The following IPO7 variants were observed in gnomAD, a reference collection of about 807,000 sequenced individuals.
The protein encoded by IPO7 is importin 7, also known as importin-7.
IPO7 carries 13 observed loss-of-function variants against 136.4 expected under a neutral mutation model. The ratio of observed to expected loss-of-function variants is 0.10; its 90% confidence interval spans 0.06 to 0.15. The LOEUF (loss-of-function observed/expected upper bound fraction) is 0.15. IPO7 is among the 10% of genes least tolerant of loss of function. The probability of loss-of-function intolerance (pLI) is 1.00; values close to 1 mark genes in which losing one functional copy is unlikely to be tolerated. For missense variants in IPO7, 857 were observed against 1,240.6 expected (o/e 0.69, Z 4.65); for synonymous variants, 403 against 404.4 (o/e 1.00, Z 0.04).
At chr11:9,432,435 A>C (rs192283557) in intron 16 of IPO7, among the ~76,000 whole-genome samples, 9 of 152,228 alleles carry the variant, frequency 5.9e-5, no homozygotes, top group African/African-American at 2.2e-4. Context: ...TCCTGACCTC[A>C]AGTGATCCGC....
chr11:9,420,176 G>A (rs1738086530), intron 6 of IPO7: 3 of 438,702 alleles, frequency 6.8e-6, no homozygotes, highest in South Asian at 3.9e-5. Context: ...AATTAGCTGG[G>A]CGTTGTGGCG....
chr11:9,399,928 A>T (rs1344913149), intron 1 of IPO7, among the ~76,000 whole-genome samples: 1 of 152,096 alleles, frequency 6.6e-6, no homozygotes, highest in Non-Finnish European at 1.5e-5. Context: ...TGATTCTTCA[A>T]TACTGTTACT....
intron 6 of IPO7, among the ~76,000 whole-genome samples, chr11:9,418,509 C>G (rs1429080695): frequency 6.6e-6 from 1 of 151,950 alleles, no homozygotes; most frequent in Admixed American, 6.6e-5. Context: ...ATAAGTGAGA[C>G]CAAAGTCCTA....
At position 9,447,823 on chromosome 11, in the gene IPO7, T is replaced by C. The variant is rs766957196; in HGVS notation, c.*2629T>C. 3.3e-5 allele frequency: 5 copies of C among 152,160 alleles called. No individual in the cohort carries two copies. Among genetic ancestry groups the C allele is most frequent in the African/African-American group, 4.8e-5 (2 of 41,448 alleles). The allele number at this position is 152,160 out of a possible 1,614,324, so 9.4% of individuals were successfully genotyped here. On this transcript the variant is annotated 3_prime_UTR_variant, in exon 25 of 25. Coordinates refer to ENST00000379719, the MANE Select transcript of IPO7 (RefSeq NM_006391.3). ...GGAAGTTAATCTGTTTCTCTGCAGG[T>C]AATAAAATAGTGACACACTGTATTA...
chr11:9,436,332 T>G lies in IPO7; in HGVS notation c.2234T>G (p.Ile745Ser). 6.2e-7 allele frequency: 1 copy of G among 1,613,876 alleles called. No homozygotes were observed. Reference protein sequence around the residue: ...ECHAAKLLEVIILQCKGRGID... With the variant: ...ECHAAKLLEVSILQCKGRGID... ...CATGCAGCAAAATTGTTAGAGGTCA[T>G]CATTCTGCAGTGCAAAGGGCGTGGC... The change falls in exon 20 of 25, where the codon ATC becomes AGC. Residue 745 changes from isoleucine to serine, a missense_variant. Around this residue, in one of 11 missense-constraint regions of IPO7, gnomAD observed 190 missense variants for 249.0 expected, o/e 0.76. Transcript: ENST00000379719.
At position 9,446,186 on chromosome 11, in the gene IPO7, C is replaced by T. The variant is rs1272891344; in HGVS notation, c.*992C>T. Reference sequence around the variant, plus strand: ...GAGTTGATCTAAGAGTATGGCTAAACATCTATATATGCAATCTATTAAAAG... The same window carrying T: ...GAGTTGATCTAAGAGTATGGCTAAATATCTATATATGCAATCTATTAAAAG... On this transcript the variant is annotated 3_prime_UTR_variant, in exon 25 of 25. Transcript: ENST00000379719. The T allele has an allele frequency of 6.6e-6, 1 of 152,098 alleles. No homozygotes were observed. Among genetic ancestry groups the T allele is most frequent in the African/African-American group, 2.4e-5 (1 of 41,410 alleles). The allele number at this position is 152,098 out of a possible 1,614,324, so 9.4% of individuals were successfully genotyped here.
chr11:9,424,766 G>A, intron 10 of IPO7, 148 bp from the exon 11 acceptor site: 2 of 581,720 alleles, frequency 3.4e-6, no homozygotes, highest in East Asian at 3.1e-5. Context: ...CATTCAATTT[G>A]TACAGAAAAG....
chr11:9,414,906 G>T (rs1371775954), intron 5 of IPO7, among the ~76,000 whole-genome samples: 1 of 151,918 alleles, frequency 6.6e-6, no homozygotes, highest in Non-Finnish European at 1.5e-5. Flanking sequence ...TTACAGGTAC[G>T]AGCCACCGTG....
rs112796972 is a variant in IPO7, at chr11:9,395,891, A to AT, written c.85-7389dup. Among the ~76,000 whole-genome samples, 1,190 of 145,664 alleles carry AT rather than the reference A, an allele frequency of 8.2e-3. 15 individuals are homozygous for AT. The highest frequency in any genetic ancestry group is 0.027 in the African/African-American group (1,078 of 39,612). On this transcript the variant is annotated intron_variant, in intron 1 of 24. Coordinates refer to ENST00000379719, the MANE Select transcript of IPO7 (RefSeq NM_006391.3). ...GCCACCACGTCTGGCTAATTTTTGT[A>AT]TTTTTTTTTTAAATAAAGATGGGGT...
intron 1 of IPO7, among the ~76,000 whole-genome samples, chr11:9,388,873 TACTTA>T (rs1265568163): frequency 6.6e-6 from 1 of 152,134 alleles, no homozygotes; most frequent in Non-Finnish European, 1.5e-5. Context: ...GGCCTAATTT[TACTTA>T]ACTTTTCTTC....
At position 9,438,060 on chromosome 11, in the gene IPO7, T is replaced by TTTG; in HGVS notation, c.2490-18_2490-17insGTT. On this transcript the variant is annotated intron_variant, in intron 21 of 24. Transcript: ENST00000379719. ...AAAGAAAACAGTTTTTTTTTTTTTT[T>TTTG]TTTTTTTTTTTTTTTTTAGGCTTCA... is the stretch of plus-strand genomic sequence containing the variant. The TTTG allele has an allele frequency of 3.9e-6, 2 of 516,486 alleles. No individual in the cohort carries two copies. Among genetic ancestry groups the TTTG allele is most frequent in the Non-Finnish European group, 2.8e-6 (1 of 363,394 alleles). The allele number at this position is 516,486 out of a possible 1,614,324, so 32.0% of individuals were successfully genotyped here.
At chr11:9,388,358 G>T (rs1471281721) in intron 1 of IPO7, among the ~76,000 whole-genome samples, 1 of 151,624 alleles carries the variant, frequency 6.6e-6, no homozygotes. Flanking sequence ...TGTATTTTTA[G>T]CAGAGATGGG....
At chr11:9,395,389 G>GC (rs1030891062) in intron 1 of IPO7, among the ~76,000 whole-genome samples, 8 of 151,034 alleles carry the variant, frequency 5.3e-5, no homozygotes, top group Admixed American at 1.3e-4. Context: ...GATTACAGGC[G>GC]CCCCCCACTG....
intron 1 of IPO7, 149 bp downstream of exon 1, chr11:9,384,996 C>A: frequency 1.6e-6 from 1 of 638,628 alleles, no homozygotes; most frequent in Non-Finnish European, 2.7e-6. Flanking sequence ...ACTTCCACGC[C>A]GGGGCGCCTC....
chr11:9,440,411 A>G, intron 22 of IPO7, 44 bp from the exon 23 acceptor site: 1 of 1,494,334 alleles, frequency 6.7e-7, no homozygotes, highest in Non-Finnish European at 9.3e-7. Context: ...TTGAGTAACA[A>G]AATATGTCAT....
chr11:9,429,991 G>C (rs1344034482), intron 15 of IPO7, among the ~76,000 whole-genome samples, 157 bp downstream of exon 15: 1 of 152,216 alleles, frequency 6.6e-6, no homozygotes, highest in Non-Finnish European at 1.5e-5. Flanking sequence ...CAGATGGTCC[G>C]GGGGAGATGG....
intron 1 of IPO7, among the ~76,000 whole-genome samples, chr11:9,402,164 G>C (rs1168441598): frequency 6.6e-6 from 1 of 152,098 alleles, no homozygotes; most frequent in Non-Finnish European, 1.5e-5. Flanking sequence ...CACTTTGGGA[G>C]GCCAAGGCGG....
At chr11:9,407,286 T>TG (rs1854901623) in intron 2 of IPO7, among the ~76,000 whole-genome samples, 1 of 152,226 alleles carries the variant, frequency 6.6e-6, no homozygotes, top group Non-Finnish European at 1.5e-5. Flanking sequence ...TTTAAAACCT[T>TG]GGCTCACGCC....
intron 9 of IPO7, among the ~76,000 whole-genome samples, chr11:9,423,457 T>A (rs1009237946): frequency 6.6e-6 from 1 of 152,236 alleles, no homozygotes; most frequent in Admixed American, 6.5e-5. Context: ...CCAGATTCAT[T>A]TCTAGTATAA....
Sources: allele counts gnomAD v4.1 joint callset (sites outside exome capture counted in the v4.1 genomes callset), GRCh38; gene constraint gnomAD v4.1.1; regional missense constraint gnomAD v4.1.1; transcripts MANE v1.5; gene names NCBI Gene and HGNC (gene_info 2026-07-23, HGNC 2026-07-21).